The following IL1RAPL2 variants were observed in gnomAD, a reference collection of about 807,000 sequenced individuals.
IL1RAPL2 encodes the protein interleukin 1 receptor accessory protein like 2.
In IL1RAPL2, 3 loss-of-function variants were observed where a neutral mutation model predicts 44.1. That is an observed-to-expected ratio of 0.07 (90% CI 0.03 to 0.18). IL1RAPL2 has a LOEUF of 0.18. Among genes scored for constraint, IL1RAPL2 ranks in the 10% least tolerant of loss-of-function variants. The pLI is 1.00. For missense variants in IL1RAPL2, 391 were observed against 496.4 expected (o/e 0.79, Z 2.02); for synonymous variants, 181 against 178.8 (o/e 1.01, Z -0.10).
intron 2 of IL1RAPL2, among the ~76,000 whole-genome samples, chrX:104,861,581 T>C (rs1922496592): frequency 9.0e-6 from 1 of 110,893 alleles, no homozygotes. Flanking sequence ...GTGTATATGG[T>C]GTGGTAGGTT....
chrX:105,478,017 G>A (rs747564010), intron 5 of IL1RAPL2, among the ~76,000 whole-genome samples: 1 of 110,386 alleles, frequency 9.1e-6, no homozygotes, highest in East Asian at 2.9e-4. Context: ...ACAACTTCAG[G>A]GCATCCCATT....
At chrX:105,222,354 T>C in intron 3 of IL1RAPL2, among the ~76,000 whole-genome samples, 1 of 112,359 alleles carries the variant, frequency 8.9e-6, no homozygotes, top group East Asian at 2.8e-4. Context: ...AGACAATAAA[T>C]CAAGCATTAA....
chrX:105,435,157 T>A, intron 5 of IL1RAPL2, among the ~76,000 whole-genome samples: 1 of 111,967 alleles, frequency 8.9e-6, no homozygotes, highest in Non-Finnish European at 1.9e-5. Context: ...ATGCTCCAGC[T>A]TTGTTCTTTT....
chrX:105,005,551 A>C (rs1159017048), intron 2 of IL1RAPL2, among the ~76,000 whole-genome samples: 1 of 111,002 alleles, frequency 9.0e-6, no homozygotes, highest in Admixed American at 9.6e-5. Flanking sequence ...TAGGCACTTT[A>C]CCACCATGAA....
chrX:104,915,383 C>T (rs1192650651), intron 2 of IL1RAPL2, among the ~76,000 whole-genome samples: 2 of 110,820 alleles, frequency 1.8e-5, no homozygotes, highest in East Asian at 2.8e-4. Flanking sequence ...AGTGTCTGTT[C>T]ATATCCTTTG....
intron 1 of IL1RAPL2, among the ~76,000 whole-genome samples, chrX:104,568,303 ACACTTCTCTGAGCCTGCAAGTTCAG>A (rs1010668202): frequency 2.7e-5 from 3 of 111,491 alleles, no homozygotes; most frequent in African/African-American, 9.8e-5. Flanking sequence ...GGAGGAAAGG[ACACTTCTCTGAGCCTGCAAGTTCAG>A]CACGGGCGTC....
At chrX:104,709,645 A>G (rs138754329) in intron 2 of IL1RAPL2, among the ~76,000 whole-genome samples, 2,132 of 111,278 alleles carry the variant, frequency 0.019, 51 homozygotes, top group African/African-American at 0.065. Context: ...GAGTTTAGTT[A>G]AAATATTTGT....
At chrX:104,609,171 A>C (rs1929087872) in intron 1 of IL1RAPL2, among the ~76,000 whole-genome samples, 1 of 112,194 alleles carries the variant, frequency 8.9e-6, no homozygotes, top group Non-Finnish European at 1.9e-5. Context: ...AGAATGTTGA[A>C]TATTGGCCCC....
chrX:104,803,971 C>T (rs1297809126), intron 2 of IL1RAPL2: 1 of 112,904 alleles, frequency 8.9e-6, no homozygotes, highest in Non-Finnish European at 1.9e-5. Flanking sequence ...TGCCCACTCC[C>T]AAATGCTACA....
intron 2 of IL1RAPL2, among the ~76,000 whole-genome samples, chrX:104,801,554 A>G (rs1389548995): frequency 9.0e-6 from 1 of 111,603 alleles, no homozygotes; most frequent in Non-Finnish European, 1.9e-5. Flanking sequence ...GTATTTGTAA[A>G]TAGGGTTGGA....
At chrX:105,210,816 T>C (rs1044642527) in intron 3 of IL1RAPL2, among the ~76,000 whole-genome samples, 3 of 111,286 alleles carry the variant, frequency 2.7e-5, no homozygotes, top group African/African-American at 9.8e-5. Context: ...TGACAGCTTC[T>C]TAGTCACTAG....
At chrX:105,605,130 T>A (rs1017987553) in intron 6 of IL1RAPL2, among the ~76,000 whole-genome samples, 147 of 110,932 alleles carry the variant, frequency 1.3e-3, no homozygotes, top group African/African-American at 4.7e-3. Flanking sequence ...AGAAAGGGCA[T>A]CCAAATAGGA....
intron 2 of IL1RAPL2, among the ~76,000 whole-genome samples, chrX:104,951,043 A>G (rs948547958): frequency 8.0e-5 from 9 of 111,811 alleles, no homozygotes; most frequent in Non-Finnish European, 7.5e-5. Context: ...CGGCTCGCTC[A>G]GGGTGCGTGC....
intron 6 of IL1RAPL2, among the ~76,000 whole-genome samples, chrX:105,557,288 T>C (rs890555708): frequency 4.5e-5 from 5 of 111,472 alleles, no homozygotes; most frequent in African/African-American, 1.6e-4. Flanking sequence ...GTCTATTAAA[T>C]GAAATAAAGA....
At chrX:104,939,620 GT>G (rs1925113691) in intron 2 of IL1RAPL2, among the ~76,000 whole-genome samples, 1 of 111,669 alleles carries the variant, frequency 9.0e-6, no homozygotes, top group African/African-American at 3.3e-5. Context: ...TTCAAAACAG[GT>G]TTTGAAACAA....
chrX:104,888,372 A>C (rs1320721429), intron 2 of IL1RAPL2, among the ~76,000 whole-genome samples: 3 of 110,277 alleles, frequency 2.7e-5, no homozygotes, highest in African/African-American at 9.9e-5. Flanking sequence ...GACAGACAAA[A>C]AGGGAGTCAG....
chrX:104,702,065 T>C (rs1931283520), intron 2 of IL1RAPL2, among the ~76,000 whole-genome samples: 1 of 111,641 alleles, frequency 9.0e-6, no homozygotes, highest in African/African-American at 3.3e-5. Context: ...CTTTAACACC[T>C]GGTACAAAAT....
intron 6 of IL1RAPL2, among the ~76,000 whole-genome samples, chrX:105,507,324 T>G (rs775791063): frequency 8.9e-6 from 1 of 112,058 alleles, no homozygotes; most frequent in Non-Finnish European, 1.9e-5. Context: ...ATTGCACGTC[T>G]CTTGTTTACG....
intron 5 of IL1RAPL2, among the ~76,000 whole-genome samples, chrX:105,334,199 A>G (rs942786708): frequency 3.6e-5 from 4 of 112,162 alleles, no homozygotes; most frequent in African/African-American, 9.7e-5. Context: ...ACAAGAATGA[A>G]ATCCTATTAT....
Sources: allele counts gnomAD v4.1 joint callset (sites outside exome capture counted in the v4.1 genomes callset), GRCh38; gene constraint gnomAD v4.1.1; transcripts MANE v1.5; gene names NCBI Gene and HGNC (gene_info 2026-07-23, HGNC 2026-07-21).